Variants in AK7 observed in about 807,000 individuals in gnomAD.
The protein encoded by AK7 is ATP-AMP transphosphorylase 7.
AK7 carries 78 observed loss-of-function variants against 96.6 expected under a neutral mutation model. That is an observed-to-expected ratio of 0.81 (90% CI 0.67 to 0.97). The LOEUF is 0.97. AK7 is among the 50% of genes least tolerant of loss of function. The pLI, the probability that AK7 is intolerant of heterozygous loss-of-function variation, is 0.00. For missense variants in AK7, 855 were observed against 887.9 expected, an observed-to-expected ratio of 0.96 and a Z score of 0.47; for synonymous variants, 302 against 317.2, an observed-to-expected ratio of 0.95 and a Z score of 0.51.
intron 12 of AK7, among the ~76,000 whole-genome samples, chr14:96,466,045 A>G (rs954367886): frequency 1.3e-5 from 2 of 151,308 alleles, no homozygotes; most frequent in East Asian, 3.9e-4. Flanking sequence ...ATGATATACA[A>G]CATAGGAAGG....
chr14:96,439,831 T>G (rs1214151463), intron 6 of AK7, among the ~76,000 whole-genome samples: 1 of 151,986 alleles, frequency 6.6e-6, no homozygotes, highest in Non-Finnish European at 1.5e-5. Flanking sequence ...GGAGGGGAAT[T>G]GAAGACAATG....
chr14:96,482,814 A>G (rs1895570819), intron 15 of AK7, among the ~76,000 whole-genome samples, 185 bp from the exon 16 acceptor site: 6 of 152,244 alleles, frequency 3.9e-5, no homozygotes, highest in Admixed American at 3.9e-4. Context: ...CACAGCCCTC[A>G]GACTCTGGTC....
At chr14:96,480,374 G>A (rs1324381062) in intron 15 of AK7, among the ~76,000 whole-genome samples, 8 of 151,982 alleles carry the variant, frequency 5.3e-5, no homozygotes, top group Admixed American at 2.0e-4. Flanking sequence ...AGAGATTGCA[G>A]TGAAGTGAGA....
At chr14:96,407,870 C>T (rs935698237) in intron 3 of AK7, among the ~76,000 whole-genome samples, 9 of 152,140 alleles carry the variant, frequency 5.9e-5, no homozygotes, top group South Asian at 4.1e-4. Context: ...TGAGCCACCA[C>T]GCCCGGCCGA....
rs755402172 is a variant in AK7 at position 96,446,575 on chromosome 14, G to A, written c.838G>A (p.Glu280Lys). The change falls in exon 8 of 18, where the codon GAG (glutamate) becomes AAG (lysine). Residue 280 changes from glutamate to lysine, a missense_variant. Physicochemically the swap from Glu to Lys is moderately conservative, Grantham distance 56 (BLOSUM62 1). Coordinates refer to ENST00000267584, the MANE Select transcript of AK7 (RefSeq NM_152327.5). ...PKPHYLVAVD[E>K]SVHTLEDIVK... ...GCCTCACTACCTGGTTGCTGTGGAT[G>A]AGTCTGTTCATACCCTGGAAGACAT... 3 of 1,614,122 alleles carry A rather than the reference G, an allele frequency of 1.9e-6. No homozygotes were observed. Among genetic ancestry groups the A allele is most frequent in the Middle Eastern group, 3.3e-4 (2 of 6,062 alleles).
chr14:96,476,501 G>C (rs1206359151), intron 14 of AK7, among the ~76,000 whole-genome samples: 1 of 125,580 alleles, frequency 8.0e-6, no homozygotes, highest in African/African-American at 3.1e-5. Context: ...GCGAGACTTT[G>C]TCTCAAAAAA....
Position 96,488,902 on chromosome 14 carries a change from T to C in AK7, c.*559T>C, listed in dbSNP as rs1895921612. The C allele has an allele frequency of 6.7e-6, 1 of 148,754 alleles. No individual in the cohort carries two copies. Among genetic ancestry groups the C allele is most frequent in the Non-Finnish European group, 1.5e-5 (1 of 67,568 alleles). 9.2% of individuals were successfully genotyped at this position (148,754 alleles called of 1,614,324 possible). A position where few individuals can be genotyped will look rare whatever the true frequency, so the allele number is the denominator to read the frequency against. ...AGTTCAGGGTCAGGATCCCAGACAA[T>C]GAATCGGAGAGAACTGTAAACCTTT... On this transcript the variant is annotated 3_prime_UTR_variant, in exon 18 of 18. Transcript: ENST00000267584.
Position 96,485,858 on chromosome 14 carries a change from C to T in AK7, c.1975-1040C>T, listed in dbSNP as rs993053392. Reference sequence around the variant, plus strand: ...TCGCCCAGGCTGGAGTGCAGTGTTACGATCTCGGCTCACTGCAAGCTCCGC... The same window carrying T: ...TCGCCCAGGCTGGAGTGCAGTGTTATGATCTCGGCTCACTGCAAGCTCCGC... On this transcript the variant is annotated intron_variant, in intron 16 of 17. Coordinates refer to ENST00000267584, the MANE Select transcript of AK7 (RefSeq NM_152327.5). Among the ~76,000 whole-genome samples, 6 of 147,384 alleles carry T rather than the reference C, an allele frequency of 4.1e-5. No individual in the cohort carries two copies. In the South Asian group the frequency reaches 1.1e-3, roughly 27 times the overall value.
chr14:96,402,938 G>A (rs1392325015), intron 2 of AK7, among the ~76,000 whole-genome samples: 8 of 151,942 alleles, frequency 5.3e-5, no homozygotes, highest in Non-Finnish European at 4.4e-5. Flanking sequence ...AGACCAACCC[G>A]GCCAACATTG....
At chr14:96,413,106 T>C (rs563008848) in intron 4 of AK7, among the ~76,000 whole-genome samples, 22 of 152,292 alleles carry the variant, frequency 1.4e-4, no homozygotes, top group Non-Finnish European at 2.4e-4. Context: ...GAGTTGATTC[T>C]GTGTCTTGGG....
At chr14:96,447,100 C>A (rs4905494) in intron 8 of AK7, among the ~76,000 whole-genome samples, 12,974 of 152,226 alleles carry the variant, frequency 0.085, 645 homozygotes, top group East Asian at 0.12. Flanking sequence ...ACCAAAATAG[C>A]CTTTCTCTTT....
At chr14:96,396,688 A>G (rs1890100979) in intron 1 of AK7, among the ~76,000 whole-genome samples, 1 of 152,232 alleles carries the variant, frequency 6.6e-6, no homozygotes, top group Admixed American at 6.5e-5. Context: ...GATAAATTAA[A>G]ATAAAATGAT....
At chr14:96,453,434 A>G (rs1893719423) in intron 10 of AK7, among the ~76,000 whole-genome samples, 1 of 152,254 alleles carries the variant, frequency 6.6e-6, no homozygotes, top group African/African-American at 2.4e-5. Flanking sequence ...AGTTAGCCAC[A>G]GGAAACACTA....
rs567506637 is a variant in AK7 at position 96,460,773 on chromosome 14, A to G, written c.1357+2561A>G. ...ACGCGACTGACCGGGGCTATTTGCC[A>G]TTGGCCAGCTTAAGGAGGGTTCACT... On this transcript the variant is annotated intron_variant, in intron 12 of 17. Transcript: ENST00000267584. Among the ~76,000 whole-genome samples, 49 of 152,276 alleles carry G rather than the reference A, an allele frequency of 3.2e-4. 2 individuals are homozygous for G. The South Asian group carries it at 1.0e-2, about 31-fold the overall frequency.
chr14:96,488,366 C>T lies in AK7; in HGVS notation c.*23C>T. On this transcript the variant is annotated 3_prime_UTR_variant, in exon 18 of 18. Transcript: ENST00000267584. ...TGAAACTTGAAAGATCTGGTATTAT[C>T]TACCTTTACAGAACCACAGATCACT... 1 of 1,605,022 alleles carries T rather than the reference C, an allele frequency of 6.2e-7. No homozygotes were observed. The highest frequency in any genetic ancestry group is 8.5e-7 in the Non-Finnish European group (1 of 1,172,720).
chr14:96,417,126 G>A (rs1035514613), intron 4 of AK7, among the ~76,000 whole-genome samples: 3 of 152,220 alleles, frequency 2.0e-5, no homozygotes, highest in African/African-American at 7.2e-5. Flanking sequence ...ACCTGGCCCA[G>A]CATGCCATGT....
chr14:96,450,546 C>G (rs887962264), intron 9 of AK7, among the ~76,000 whole-genome samples: 11 of 149,558 alleles, frequency 7.4e-5, no homozygotes, highest in African/African-American at 2.7e-4. Context: ...TCAAAGCAGG[C>G]TGAGATTCCA....
At chr14:96,469,493 C>A (rs1455022525) in intron 12 of AK7, among the ~76,000 whole-genome samples, 1 of 60,716 alleles carries the variant, frequency 1.6e-5, no homozygotes, top group Admixed American at 1.6e-4. Flanking sequence ...CCACTGCACT[C>A]CAGCCTGGGT....
intron 14 of AK7, 113 bp from the exon 15 acceptor site, chr14:96,478,352 A>G (rs1895301266): frequency 1.9e-6 from 2 of 1,039,024 alleles, no homozygotes; most frequent in Non-Finnish European, 2.9e-6. Flanking sequence ...TGGACAGGCT[A>G]TTTGTGGCAA....
Sources: allele counts gnomAD v4.1 joint callset (sites outside exome capture counted in the v4.1 genomes callset), GRCh38; gene constraint gnomAD v4.1.1; transcripts MANE v1.5; gene names NCBI Gene and HGNC (gene_info 2026-07-23, HGNC 2026-07-21).